Variants in TRIM37 observed in about 807,000 individuals in gnomAD.
The protein encoded by TRIM37 is tripartite motif containing 37.
TRIM37 carries 80 observed loss-of-function variants against 129.8 expected under a neutral mutation model. The observed-to-expected ratio is 0.62, with a 90% CI of 0.51 to 0.74. TRIM37 has a LOEUF of 0.74. Among genes scored for constraint, TRIM37 ranks in the 30% least tolerant of loss-of-function variants. The pLI, the probability that TRIM37 is intolerant of heterozygous loss-of-function variation, is 0.00. For missense variants in TRIM37, 1,054 were observed against 1,176.5 expected (o/e 0.90, Z 1.52); for synonymous variants, 389 against 387.1 (o/e 1.00, Z -0.06).
intron 17 of TRIM37, among the ~76,000 whole-genome samples, chr17:59,036,465 T>A (rs2038512578): frequency 6.6e-6 from 1 of 151,198 alleles, no homozygotes; most frequent in African/African-American, 2.4e-5. Context: ...TGTGTGTGTG[T>A]GTGTGTGTGT....
chr17:58,986,341 G>A (rs1387041110), intron 24 of TRIM37, among the ~76,000 whole-genome samples: 1 of 151,800 alleles, frequency 6.6e-6, no homozygotes, highest in African/African-American at 2.4e-5. Flanking sequence ...TGGGATTACA[G>A]GCGCCCGCCA....
intron 4 of TRIM37, 75 bp downstream of exon 4, chr17:59,088,216 A>G: frequency 1.1e-6 from 1 of 905,322 alleles, no homozygotes; most frequent in Non-Finnish European, 1.8e-6. Flanking sequence ...CTAAAAGGCA[A>G]CTACCAATAT....
intron 10 of TRIM37, among the ~76,000 whole-genome samples, chr17:59,063,220 C>T (rs973774556): frequency 2.0e-5 from 3 of 151,166 alleles, no homozygotes; most frequent in African/African-American, 7.3e-5. Context: ...ACTCTTGTTG[C>T]CCAGGCTGGA....
intron 2 of TRIM37, among the ~76,000 whole-genome samples, chr17:59,096,576 A>C (rs1354366164): frequency 2.0e-5 from 3 of 148,612 alleles, no homozygotes; most frequent in African/African-American, 7.4e-5. Context: ...AAAAAAAAAA[A>C]CCAACTTTGT....
chr17:59,104,757 T>C (rs555085344), intron 1 of TRIM37, among the ~76,000 whole-genome samples: 1 of 152,222 alleles, frequency 6.6e-6, no homozygotes, highest in Admixed American at 6.6e-5. Flanking sequence ...GAAATACTTC[T>C]TCATCTAATG....
chr17:58,989,165 G>C (rs2032105259), intron 24 of TRIM37, among the ~76,000 whole-genome samples: 1 of 152,154 alleles, frequency 6.6e-6, no homozygotes, highest in Middle Eastern at 3.2e-3. Context: ...TTTTGGAAAT[G>C]AGAGAGAATT....
chr17:58,980,597 T>A (rs2143824743), downstream of TRIM37: 1 of 1,614,120 alleles, frequency 6.2e-7, no homozygotes. The surrounding 1 kb of genome is among the most constrained non-coding windows in gnomAD (Gnocchi z 4.7). Flanking sequence ...GGAGAAAAAA[T>A]CAGTTCAGTC....
chr17:58,980,584 G>C (rs781198246), downstream of TRIM37: 1 of 1,614,206 alleles, frequency 6.2e-7, no homozygotes, highest in Admixed American at 1.7e-5. The surrounding 1 kb of genome is among the most constrained non-coding windows in gnomAD (Gnocchi z 4.7). Flanking sequence ...ATGAGTTAAT[G>C]ATGGAGAAAA....
intron 2 of TRIM37, among the ~76,000 whole-genome samples, chr17:59,102,655 T>G (rs1054652495): frequency 6.6e-6 from 1 of 152,204 alleles, no homozygotes; most frequent in Admixed American, 6.5e-5. Flanking sequence ...AGAGTGAATC[T>G]CTTAGTTTTA....
intron 19 of TRIM37, among the ~76,000 whole-genome samples, chr17:59,027,925 T>C (rs2037416446): frequency 6.6e-6 from 1 of 152,190 alleles, no homozygotes; most frequent in African/African-American, 2.4e-5. Flanking sequence ...GTTTCTGTTC[T>C]GTTTACCCAG....
the TRIM37 span, among the ~76,000 whole-genome samples, chr17:58,975,642 A>G: frequency 2.0e-5 from 3 of 152,326 alleles, no homozygotes; most frequent in South Asian, 2.1e-4. Flanking sequence ...TTTTAGGAAA[A>G]GCAACAAGTC....
chr17:59,092,210 T>A (rs1244511363), intron 2 of TRIM37, among the ~76,000 whole-genome samples: 1 of 151,970 alleles, frequency 6.6e-6, no homozygotes, highest in Non-Finnish European at 1.5e-5. Flanking sequence ...CTGGCCAACA[T>A]GGTGAAACCC....
intron 2 of TRIM37, among the ~76,000 whole-genome samples, chr17:59,103,684 T>C (rs1490374927): frequency 1.1e-4 from 17 of 148,190 alleles, no homozygotes; most frequent in African/African-American, 4.3e-4. Flanking sequence ...AGTCTCACTC[T>C]GTCGCCAGGC....
At chr17:58,974,477 G>A in the TRIM37 span, among the ~76,000 whole-genome samples, 85 of 152,126 alleles carry the variant, frequency 5.6e-4, no homozygotes, top group African/African-American at 1.9e-3. Flanking sequence ...TAAGTTGGCT[G>A]GACAAAATAC....
At chr17:58,967,538 A>G in the TRIM37 span, among the ~76,000 whole-genome samples, 2 of 150,642 alleles carry the variant, frequency 1.3e-5, no homozygotes, top group Non-Finnish European at 3.0e-5. Flanking sequence ...AGAGAGAGAG[A>G]GAGGGAGGGA....
intron 14 of TRIM37, among the ~76,000 whole-genome samples, chr17:59,050,161 G>A (rs1028177675): frequency 6.6e-6 from 1 of 152,190 alleles, no homozygotes; most frequent in African/African-American, 2.4e-5. Context: ...AATAGTAAGA[G>A]TTCAAGATGG....
chr17:59,069,540 C>A (rs139175804), intron 9 of TRIM37, among the ~76,000 whole-genome samples: 160 of 152,090 alleles, frequency 1.1e-3, no homozygotes, highest in African/African-American at 3.7e-3. Context: ...GATAGTATTC[C>A]ATAAGTCATC....
At chr17:59,056,388 T>G (rs1336181128) in intron 13 of TRIM37, among the ~76,000 whole-genome samples, 1 of 152,138 alleles carries the variant, frequency 6.6e-6, no homozygotes, top group Non-Finnish European at 1.5e-5. Context: ...AGTTTGACTT[T>G]TTGACTACAA....
In TRIM37 at chr17:59,000,955, G is replaced by A. The variant is rs530262363; in HGVS notation, c.2812+643C>T. Among the ~76,000 whole-genome samples the A allele has an allele frequency of 7.9e-5, 12 of 152,220 alleles. No individual in the cohort carries two copies. In the South Asian group the frequency reaches 2.3e-3, roughly 29 times the overall value. On this transcript the variant is annotated intron_variant, in intron 23 of 23. Transcript: ENST00000262294. ...CACGCCTGTAATACCAGGACTTTGG[G>A]AGGCCAAGGCAGGTGGATCACGAGG...
Sources: gnomAD v4.1 joint callset for allele counts (sites outside exome capture counted in the v4.1 genomes callset) on GRCh38, gnomAD v4.1.1 for gene constraint, Gnocchi (gnomAD v3.1) non-coding constraint, MANE v1.5 for transcripts, NCBI Gene and HGNC (gene_info 2026-07-23, HGNC 2026-07-21) for gene names.